COL5A1: variants seen among roughly 807,000 people sequenced by gnomAD.
The protein encoded by COL5A1 is collagen type V alpha 1 chain, also known as collagen alpha-1(V) chain.
In COL5A1, 16 loss-of-function variants were observed where a neutral mutation model predicts 263.7. That is an observed-to-expected ratio of 0.06 (90% CI 0.04 to 0.09). The LOEUF (loss-of-function observed/expected upper bound fraction) is 0.09. COL5A1 is among the 10% of genes least tolerant of loss of function. The pLI is 1.00. For synonymous variants in COL5A1, 1,012 were observed against 1,004.5 expected (o/e 1.01, Z -0.14); for missense variants, 2,036 against 2,540.5 (o/e 0.80, Z 4.27).
intron 42 of COL5A1, among the ~76,000 whole-genome samples, chr9:134,808,699 C>T (rs915731523): frequency 1.1e-4 from 16 of 152,138 alleles, no homozygotes; most frequent in African/African-American, 2.2e-4. Context: ...CATGTGTGTG[C>T]GTACATGTCT....
intron 11 of COL5A1, among the ~76,000 whole-genome samples, chr9:134,744,595 ACACT>A (rs1364881753): frequency 1.3e-5 from 2 of 151,604 alleles, no homozygotes; most frequent in Admixed American, 6.6e-5. Flanking sequence ...TTACACATGC[ACACT>A]CACCCACACC....
chr9:134,785,937 G>A (rs1386900125), intron 30 of COL5A1, 58 bp from the exon 31 acceptor site: 16 of 1,505,344 alleles, frequency 1.1e-5, no homozygotes, highest in South Asian at 3.4e-5. Flanking sequence ...TCTCTGCTCC[G>A]GGGAAACGGA....
At chr9:134,690,680 G>T (rs979908009) in intron 1 of COL5A1, among the ~76,000 whole-genome samples, 13 of 152,190 alleles carry the variant, frequency 8.5e-5, no homozygotes, top group African/African-American at 3.1e-4. Context: ...GGGCTAGCCT[G>T]GGTCTGCCCC....
intron 35 of COL5A1, 58 bp downstream of exon 35, chr9:134,796,476 C>T: frequency 1.3e-6 from 2 of 1,562,396 alleles, no homozygotes; most frequent in Non-Finnish European, 1.8e-6. Flanking sequence ...TCGAATGCCC[C>T]CTGCACTTTG....
At chr9:134,831,135 C>T (rs1461429161) in intron 64 of COL5A1, among the ~76,000 whole-genome samples, 2 of 152,208 alleles carry the variant, frequency 1.3e-5, no homozygotes, top group Admixed American at 6.5e-5. Flanking sequence ...TGGGTTGCTG[C>T]ACCCTGGCAC....
rs1184248094 is a variant in COL5A1 at position 134,843,671 on chromosome 9, C to T, written c.*1368C>T. Reference sequence around the variant, plus strand: ...AATAAAAAGCCTCTTCCTGCATTGTCTGTGGTGTGACCATAGCAGATTATA... The same window carrying T: ...AATAAAAAGCCTCTTCCTGCATTGTTTGTGGTGTGACCATAGCAGATTATA... On this transcript the variant is annotated 3_prime_UTR_variant, in exon 66 of 66. Coordinates refer to ENST00000371817, the MANE Select transcript of COL5A1 (RefSeq NM_000093.5). The T allele has an allele frequency of 6.5e-6, 1 of 152,686 alleles. No homozygotes were observed. The highest frequency in any genetic ancestry group is 1.5e-5 in the Non-Finnish European group (1 of 68,062). The allele number at this position is 152,686 out of a possible 1,614,324, so 9.5% of individuals were successfully genotyped here. A position where few individuals can be genotyped will look rare whatever the true frequency, so the allele number is the denominator to read the frequency against.
At chr9:134,746,548 C>G (rs1835520276) in intron 11 of COL5A1, among the ~76,000 whole-genome samples, 1 of 152,228 alleles carries the variant, frequency 6.6e-6, no homozygotes, top group African/African-American at 2.4e-5. Context: ...ATCTGGTCAC[C>G]CAGCCACATC....
intron 41 of COL5A1, among the ~76,000 whole-genome samples, chr9:134,805,978 CA>C (rs1838283109): frequency 6.6e-6 from 1 of 152,132 alleles, no homozygotes; most frequent in Non-Finnish European, 1.5e-5. Context: ...TGTCAGACAC[CA>C]GGGGGAGGAG....
intron 64 of COL5A1, among the ~76,000 whole-genome samples, chr9:134,832,024 G>C (rs1839654961): frequency 6.6e-6 from 1 of 152,176 alleles, no homozygotes. Flanking sequence ...CAGCACTTTG[G>C]GAGGCTCAGG....
chr9:134,760,358 CA>C (rs1836316207), intron 18 of COL5A1, among the ~76,000 whole-genome samples: 1 of 103,282 alleles, frequency 9.7e-6, no homozygotes, highest in African/African-American at 4.6e-5. Flanking sequence ...CACACCCCCA[CA>C]CATACACACA....
intron 50 of COL5A1, among the ~76,000 whole-genome samples, chr9:134,815,253 G>A (rs2132854836): frequency 6.6e-6 from 1 of 152,362 alleles, no homozygotes; most frequent in African/African-American, 2.4e-5. Flanking sequence ...CATTCCGGAA[G>A]TCTGAAGGTC....
At chr9:134,683,656 G>C (rs1371591871) in intron 1 of COL5A1, among the ~76,000 whole-genome samples, 1 of 152,206 alleles carries the variant, frequency 6.6e-6, no homozygotes, top group African/African-American at 2.4e-5. Flanking sequence ...CCCAGTGTGT[G>C]TGGGCTCCTG....
chr9:134,811,532 T>C lies in COL5A1; in HGVS notation c.3623T>C (p.Leu1208Pro), dbSNP rs1465499093. The change falls in exon 46 of 66, where the codon CTT becomes CCT. Residue 1208 changes from leucine (L) to proline (P), a missense_variant. By Grantham distance (98) the Leu-to-Pro change is moderately conservative. Transcript: ENST00000371817. ...CCGGGGCCTCGGGGCCAGCAGGGCC[T>C]TTTCGGGCAGAAAGGTGATGAAGGT... ...GEPGPRGQQG[L>P]FGQKGDEGPR... 1 of 1,599,592 alleles carries C rather than the reference T, an allele frequency of 6.3e-7. No homozygotes were observed. Among genetic ancestry groups the C allele is most frequent in the Non-Finnish European group, 8.5e-7 (1 of 1,172,702 alleles).
chr9:134,744,483 G>T (rs1835408594), intron 11 of COL5A1, among the ~76,000 whole-genome samples: 1 of 150,732 alleles, frequency 6.6e-6, no homozygotes, highest in East Asian at 1.9e-4. Context: ...ACGTATGCAT[G>T]CACAGTCACC....
chr9:134,713,257 G>A (rs1834133500), intron 4 of COL5A1, among the ~76,000 whole-genome samples: 1 of 152,260 alleles, frequency 6.6e-6, no homozygotes, highest in Admixed American at 6.5e-5. Context: ...TGCTGTCAGG[G>A]AGGCTGGGTC....
intron 1 of COL5A1, among the ~76,000 whole-genome samples, chr9:134,668,959 C>CCATCCATT (rs1327168518): frequency 7.0e-6 from 1 of 142,476 alleles, no homozygotes; most frequent in Non-Finnish European, 1.5e-5. Flanking sequence ...ACCCACCCAT[C>CCATCCATT]CATCCATCCA....
chr9:134,813,891 C>A, intron 48 of COL5A1, 92 bp from the exon 49 acceptor site: 1 of 1,422,922 alleles, frequency 7.0e-7, no homozygotes, highest in Non-Finnish European at 9.7e-7. Flanking sequence ...GGCAGGCAGA[C>A]AGCAGGCAGG....
chr9:134,745,300 G>A (rs1018815290), intron 11 of COL5A1, among the ~76,000 whole-genome samples: 3 of 152,192 alleles, frequency 2.0e-5, no homozygotes, highest in Admixed American at 6.5e-5. Flanking sequence ...CAAAGGCCTC[G>A]GGACATTTCT....
intron 7 of COL5A1, among the ~76,000 whole-genome samples, chr9:134,730,996 G>A (rs1253651931): frequency 1.3e-5 from 2 of 152,232 alleles, no homozygotes; most frequent in African/African-American, 4.8e-5. Flanking sequence ...GGACCTCGCG[G>A]TTCTCCTTTC....
Sources: gnomAD v4.1 joint callset for allele counts (sites outside exome capture counted in the v4.1 genomes callset) on GRCh38, gnomAD v4.1.1 for gene constraint, MANE v1.5 for transcripts, NCBI Gene and HGNC (gene_info 2026-07-23, HGNC 2026-07-21) for gene names.